The following IL1RAPL2 variants were observed in gnomAD, a reference collection of about 807,000 sequenced individuals.
The protein encoded by IL1RAPL2 is interleukin 1 receptor accessory protein like 2, also known as X-linked interleukin-1 receptor accessory protein-like 2.
Under a neutral mutation model 44.1 loss-of-function variants are expected in IL1RAPL2, and 3 were observed. The observed-to-expected ratio is 0.07, with a 90% CI of 0.03 to 0.18. The LOEUF is 0.18. Ranked by LOEUF, IL1RAPL2 falls within the 10% of genes least tolerant of loss-of-function variation. IL1RAPL2 has a pLI of 1.00. For missense variants in IL1RAPL2, 391 were observed against 496.4 expected, an observed-to-expected ratio of 0.79 and a Z score of 2.02; for synonymous variants, 181 against 178.8, an observed-to-expected ratio of 1.01 and a Z score of -0.10.
At chrX:105,064,140 A>G (rs752671936) in intron 2 of IL1RAPL2, among the ~76,000 whole-genome samples, 1 of 112,351 alleles carries the variant, frequency 8.9e-6, no homozygotes, top group African/African-American at 3.2e-5. Flanking sequence ...GTGATAAGTT[A>G]CCCCAGGACT....
At chrX:104,869,005 A>G (rs968166143) in intron 2 of IL1RAPL2, among the ~76,000 whole-genome samples, 1 of 111,533 alleles carries the variant, frequency 9.0e-6, no homozygotes, top group African/African-American at 3.3e-5. Flanking sequence ...TTTAATATCA[A>G]TGATTCTGCC....
At chrX:104,981,726 C>G (rs2030444092) in intron 2 of IL1RAPL2, among the ~76,000 whole-genome samples, 1 of 110,999 alleles carries the variant, frequency 9.0e-6, no homozygotes, top group Admixed American at 9.6e-5. Context: ...TCATAGATTG[C>G]TCTTATTATT....
chrX:104,571,258 T>C (rs1487506889), intron 1 of IL1RAPL2, among the ~76,000 whole-genome samples: 1 of 112,231 alleles, frequency 8.9e-6, no homozygotes, highest in Non-Finnish European at 1.9e-5. Flanking sequence ...GCTCATGTAG[T>C]TCTTTATTTA....
chrX:104,720,067 A>T (rs1931647138), intron 2 of IL1RAPL2, among the ~76,000 whole-genome samples: 1 of 111,951 alleles, frequency 8.9e-6, no homozygotes, highest in African/African-American at 3.2e-5. Context: ...CCTGTACTAC[A>T]TCAAAAGATC....
chrX:105,015,438 T>C (rs958582358), intron 2 of IL1RAPL2, among the ~76,000 whole-genome samples: 3 of 112,114 alleles, frequency 2.7e-5, no homozygotes, highest in African/African-American at 9.7e-5. Flanking sequence ...AGGGTTTTTA[T>C]GGTTTTAGGT....
At chrX:105,061,859 G>C (rs918358964) in intron 2 of IL1RAPL2, among the ~76,000 whole-genome samples, 1 of 111,912 alleles carries the variant, frequency 8.9e-6, no homozygotes, top group African/African-American at 3.2e-5. Flanking sequence ...AGATACTGCT[G>C]CTCTTTTTGG....
chrX:105,328,302 A>G (rs932260272), intron 5 of IL1RAPL2, among the ~76,000 whole-genome samples: 3 of 111,600 alleles, frequency 2.7e-5, no homozygotes, highest in African/African-American at 6.5e-5. Context: ...TTTGAAAGCC[A>G]TGGGAGAACC....
At chrX:105,256,150 G>T (rs1444040547) in intron 4 of IL1RAPL2, among the ~76,000 whole-genome samples, 1 of 110,661 alleles carries the variant, frequency 9.0e-6, no homozygotes, top group Non-Finnish European at 1.9e-5. Context: ...TTAGAACAAT[G>T]CTGGTTTCAT....
chrX:105,664,476 C>T (rs970139978), intron 6 of IL1RAPL2, among the ~76,000 whole-genome samples: 11 of 111,976 alleles, frequency 9.8e-5, no homozygotes, highest in African/African-American at 3.6e-4. Context: ...GTTGATTGTA[C>T]AACAAGAAGG....
At chrX:105,472,645 TC>T (rs2036172707) in intron 5 of IL1RAPL2, among the ~76,000 whole-genome samples, 1 of 111,767 alleles carries the variant, frequency 8.9e-6, no homozygotes, top group Non-Finnish European at 1.9e-5. Flanking sequence ...CATAATTGGC[TC>T]CATTTGAAAA....
chrX:104,762,536 C>A (rs781127214), intron 2 of IL1RAPL2, among the ~76,000 whole-genome samples: 1 of 112,025 alleles, frequency 8.9e-6, no homozygotes, highest in African/African-American at 3.2e-5. Flanking sequence ...GACAGTGGCC[C>A]TCTTCTCACA....
intron 6 of IL1RAPL2, among the ~76,000 whole-genome samples, chrX:105,513,130 G>A (rs1392963619): frequency 9.0e-6 from 1 of 111,327 alleles, no homozygotes; most frequent in Non-Finnish European, 1.9e-5. Context: ...AGTATTCCAT[G>A]GTGTATATGT....
chrX:104,568,123 C>G (rs1928075199), intron 1 of IL1RAPL2, among the ~76,000 whole-genome samples: 1 of 111,116 alleles, frequency 9.0e-6, no homozygotes, highest in African/African-American at 3.3e-5. Context: ...TTAGGAGTAT[C>G]TTGTCCCCGA....
At chrX:104,687,770 A>G (rs1301047400) in intron 2 of IL1RAPL2, among the ~76,000 whole-genome samples, 5 of 111,167 alleles carry the variant, frequency 4.5e-5, no homozygotes, top group Non-Finnish European at 9.4e-5. Context: ...AAGTTTATAT[A>G]TGTGTCCTGG....
At chrX:104,572,881 T>G (rs1032710565) in intron 1 of IL1RAPL2, among the ~76,000 whole-genome samples, 18 of 112,439 alleles carry the variant, frequency 1.6e-4, no homozygotes, top group African/African-American at 5.8e-4. Flanking sequence ...CGGTTACAGG[T>G]GTGAACCGCT....
At chrX:104,947,461 T>A (rs1276437160) in intron 2 of IL1RAPL2, among the ~76,000 whole-genome samples, 1 of 101,796 alleles carries the variant, frequency 9.8e-6, no homozygotes, top group African/African-American at 3.6e-5. Context: ...TTGCCATTGC[T>A]TTTGGTGTTT....
chrX:105,041,854 G>T (rs2031747127), intron 2 of IL1RAPL2, among the ~76,000 whole-genome samples: 1 of 110,952 alleles, frequency 9.0e-6, no homozygotes, highest in Non-Finnish European at 1.9e-5. Context: ...AACCAAAAGA[G>T]CATGGTACTG....
intron 2 of IL1RAPL2, among the ~76,000 whole-genome samples, chrX:104,717,661 G>A (rs1205505687): frequency 1.8e-5 from 2 of 108,960 alleles, no homozygotes; most frequent in African/African-American, 3.3e-5. Flanking sequence ...TGTACAACGT[G>A]CAGGTTTGTT....
intron 5 of IL1RAPL2, among the ~76,000 whole-genome samples, chrX:105,387,921 G>A (rs2035489306): frequency 9.3e-6 from 1 of 107,490 alleles, no homozygotes; most frequent in Admixed American, 1.0e-4. Context: ...GACCGAGGCG[G>A]GTGGATCACC....
Sources: allele counts gnomAD v4.1 joint callset (sites outside exome capture counted in the v4.1 genomes callset), GRCh38; gene constraint gnomAD v4.1.1; transcripts MANE v1.5; gene names NCBI Gene and HGNC (gene_info 2026-07-23, HGNC 2026-07-21).